The following RASEF variants were observed in gnomAD, a reference collection of about 807,000 sequenced individuals.
The protein encoded by RASEF is RAS and EF-hand domain containing.
In RASEF, 68 loss-of-function variants were observed where a neutral mutation model predicts 90.1. The ratio of observed to expected loss-of-function variants is 0.75; its 90% CI spans 0.62 to 0.92. The LOEUF (loss-of-function observed/expected upper bound fraction) is 0.92. Among genes scored for constraint, RASEF ranks in the 40% least tolerant of loss-of-function variants. The pLI is 0.00. For missense variants in RASEF, 949 were observed against 937.2 expected (o/e 1.01, Z -0.16); for synonymous variants, 331 against 345.2 (o/e 0.96, Z 0.46).
chr9:83,047,747 C>T (rs1156623466), intron 1 of RASEF, among the ~76,000 whole-genome samples: 1 of 152,178 alleles, frequency 6.6e-6, no homozygotes, highest in Admixed American at 6.5e-5. Context: ...GATAAACTGT[C>T]ATTGGGTCAA....
rs1034609952 is a variant in RASEF, at chr9:83,062,404, G to C, written c.431+33C>G. The C allele has an allele frequency of 3.7e-6, 6 of 1,606,478 alleles. No homozygotes were observed. In the African/African-American group the frequency reaches 6.7e-5, roughly 18 times the overall value. ...GGGAAGAAGCAAGCAGGAAGCGCCAGAATAACCTCCCGCCCCCAGCTCACA... is the reference window on the plus strand; with the variant it reads ...GGGAAGAAGCAAGCAGGAAGCGCCACAATAACCTCCCGCCCCCAGCTCACA... On this transcript the variant is annotated intron_variant, in intron 1 of 16. Coordinates refer to ENST00000376447, the MANE Select transcript of RASEF (RefSeq NM_152573.4).
the RASEF span, among the ~76,000 whole-genome samples, chr9:83,175,523 G>A: frequency 1.3e-5 from 2 of 151,874 alleles, no homozygotes; most frequent in East Asian, 3.9e-4. Context: ...TTTTGTTGCA[G>A]ATATTTTGTG....
the RASEF span, among the ~76,000 whole-genome samples, chr9:83,202,881 T>C: frequency 6.6e-6 from 1 of 152,210 alleles, no homozygotes; most frequent in Non-Finnish European, 1.5e-5. Flanking sequence ...GCCATTCTAC[T>C]GGTATACATA....
the RASEF span, among the ~76,000 whole-genome samples, chr9:83,164,359 A>G: frequency 1.0e-4 from 15 of 146,212 alleles, no homozygotes; most frequent in South Asian, 4.3e-4. Context: ...ATATATATAT[A>G]TATATATATA....
the RASEF span, among the ~76,000 whole-genome samples, chr9:83,114,009 A>T: frequency 6.6e-6 from 1 of 152,096 alleles, no homozygotes; most frequent in Non-Finnish European, 1.5e-5. Context: ...AATACATGAC[A>T]TCACCCCTAG....
chr9:83,182,275 G>T, the RASEF span, among the ~76,000 whole-genome samples: 1 of 152,162 alleles, frequency 6.6e-6, no homozygotes, highest in East Asian at 1.9e-4. Context: ...TTAACCCAGG[G>T]AGTTAATTAT....
chr9:83,006,398 G>A (rs910094771), intron 7 of RASEF, among the ~76,000 whole-genome samples: 2 of 152,142 alleles, frequency 1.3e-5, no homozygotes, highest in Admixed American at 1.3e-4. Context: ...TGTAAGAGGT[G>A]CTGACAAATC....
At chr9:83,085,032 G>A in the RASEF span, among the ~76,000 whole-genome samples, 1 of 152,092 alleles carries the variant, frequency 6.6e-6, no homozygotes. Flanking sequence ...TAACCACAAA[G>A]CGGTCCTTTA....
the RASEF span, among the ~76,000 whole-genome samples, chr9:83,134,410 G>GCACACACA: frequency 1.9e-4 from 27 of 139,132 alleles, no homozygotes; most frequent in South Asian, 2.2e-3. Context: ...TCACAATAGC[G>GCACACACA]CACACACACA....
chr9:83,139,878 T>G, the RASEF span, among the ~76,000 whole-genome samples: 1 of 152,244 alleles, frequency 6.6e-6, no homozygotes, highest in Non-Finnish European at 1.5e-5. Flanking sequence ...ACTAAATTGG[T>G]TAGCAAATAC....
chr9:83,156,501 C>T, the RASEF span, among the ~76,000 whole-genome samples: 5 of 152,296 alleles, frequency 3.3e-5, no homozygotes, highest in South Asian at 1.0e-3. Flanking sequence ...CCTAATTACA[C>T]TCACTCCCTT....
At chr9:83,082,794 C>G in the RASEF span, among the ~76,000 whole-genome samples, 4 of 152,114 alleles carry the variant, frequency 2.6e-5, no homozygotes, top group Non-Finnish European at 5.9e-5. Flanking sequence ...TGGACTCTGA[C>G]AAGTTTACTT....
At chr9:83,054,763 A>T (rs1431427764) in intron 1 of RASEF, 3 of 144,328 alleles carry the variant, frequency 2.1e-5, no homozygotes, top group Non-Finnish European at 4.5e-5. Flanking sequence ...TCCTTCTAAC[A>T]GACAGGACCC....
the RASEF span, among the ~76,000 whole-genome samples, chr9:83,168,160 CA>C: frequency 6.6e-6 from 1 of 152,080 alleles, no homozygotes; most frequent in Admixed American, 6.6e-5. Context: ...ACATCCCTAT[CA>C]ACACTTGTTA....
At chr9:83,004,409 C>A (rs1178450814) in intron 9 of RASEF, 89 bp downstream of exon 9, 6 of 736,068 alleles carry the variant, frequency 8.2e-6, no homozygotes, top group African/African-American at 2.2e-5. Flanking sequence ...AAAGTATATT[C>A]TATTATTTTA....
chr9:83,122,752 G>A, the RASEF span, among the ~76,000 whole-genome samples: 1 of 152,228 alleles, frequency 6.6e-6, no homozygotes, highest in Non-Finnish European at 1.5e-5. Context: ...TTATTTTAAA[G>A]AGCTCTTTAA....
chr9:83,004,913 C>T (rs1267464236), intron 8 of RASEF, among the ~76,000 whole-genome samples: 2 of 152,140 alleles, frequency 1.3e-5, no homozygotes, highest in African/African-American at 4.8e-5. Context: ...CTTCTTGAAC[C>T]ATAATTTGGC....
chr9:83,012,961 A>G (rs957803800), intron 4 of RASEF, among the ~76,000 whole-genome samples: 1 of 152,226 alleles, frequency 6.6e-6, no homozygotes, highest in African/African-American at 2.4e-5. Context: ...AGATTCACCT[A>G]TGTTTTCTTC....
At chr9:83,219,016 G>A in the RASEF span, among the ~76,000 whole-genome samples, 1 of 152,020 alleles carries the variant, frequency 6.6e-6, no homozygotes, top group African/African-American at 2.4e-5. Context: ...ATGTTAAGAA[G>A]AAAATCCTAG....
Sources: allele counts gnomAD v4.1 joint callset (sites outside exome capture counted in the v4.1 genomes callset), GRCh38; gene constraint gnomAD v4.1.1; transcripts MANE v1.5; gene names NCBI Gene and HGNC (gene_info 2026-07-23, HGNC 2026-07-21).